Variants in TEX53 observed in about 807,000 individuals in gnomAD.
TEX53 encodes the protein testis expressed 53, also known as testis-expressed protein 53.
intron 1 of TEX53, among the ~76,000 whole-genome samples, 157 bp from the exon 2 acceptor site, chr9:114,656,789 G>A (rs1012306434): frequency 1.3e-5 from 2 of 152,182 alleles, no homozygotes; most frequent in Non-Finnish European, 2.9e-5. Flanking sequence ...CTCGAGCTGG[G>A]TGAAGCAATG....
In TEX53 at chr9:114,657,801, A is replaced by C; in HGVS notation, c.-27T>G. The stretch of plus-strand genomic sequence containing the variant: ...TTTTGGTGCGCGGTGGGAGGAGGAA[A>C]GGGCACTGGGGCTCCTGGCTCTGCA... On this transcript the variant is annotated 5_prime_UTR_variant, in exon 1 of 2. Transcript: ENST00000423632. 2.5e-6 allele frequency: 1 copy of C among 398,814 alleles called. No individual in the cohort carries two copies. The highest frequency in any genetic ancestry group is 4.4e-6 in the Non-Finnish European group (1 of 226,170). The allele number at this position is 398,814 out of a possible 1,614,324, so 24.7% of individuals were successfully genotyped here.
At chr9:114,656,737 C>G (rs1490013541) in intron 1 of TEX53, 105 bp from the exon 2 acceptor site, 1 of 395,838 alleles carries the variant, frequency 2.5e-6, no homozygotes, top group East Asian at 3.6e-5. Flanking sequence ...AATCATTAAT[C>G]TCTTTAAAAA....
chr9:114,657,221 C>A (rs1270187518), intron 1 of TEX53, among the ~76,000 whole-genome samples: 2 of 152,098 alleles, frequency 1.3e-5, no homozygotes, highest in Admixed American at 1.3e-4. Context: ...TTCACTTACA[C>A]ACGGTGCCTG....
chr9:114,656,509 G>C lies in TEX53; in HGVS notation c.*20C>G. 2.5e-6 allele frequency: 1 copy of C among 398,582 alleles called. No individual in the cohort carries two copies. Among genetic ancestry groups the C allele is most frequent in the Non-Finnish European group, 4.4e-6 (1 of 226,050 alleles). The allele number at this position is 398,582 out of a possible 1,614,324, so 24.7% of individuals were successfully genotyped here. ...GCTGTGCAGCCGCAGGGACCACGTG[G>C]GTGCCGCCGGCTAGAATGCTCATGG... On this transcript the variant is annotated 3_prime_UTR_variant, in exon 2 of 2. Transcript: ENST00000423632.
chr9:114,656,684 G>A (rs967404826), intron 1 of TEX53, 52 bp from the exon 2 acceptor site: 9 of 397,892 alleles, frequency 2.3e-5, no homozygotes, highest in Middle Eastern at 6.2e-4. Flanking sequence ...TGAGTGATGC[G>A]CGTATAACCT....
chr9:114,657,410 A>G (rs1427421410), intron 1 of TEX53, among the ~76,000 whole-genome samples: 4 of 152,210 alleles, frequency 2.6e-5, no homozygotes, highest in Non-Finnish European at 5.9e-5. Flanking sequence ...GAGAAATTAA[A>G]TAAATCAACA....
intron 1 of TEX53, among the ~76,000 whole-genome samples, chr9:114,657,093 G>C (rs548554671): frequency 7.4e-4 from 112 of 152,266 alleles, no homozygotes; most frequent in Non-Finnish European, 1.4e-3. Context: ...AGCCAGGATG[G>C]TCTCGATCTC....
intron 1 of TEX53, 100 bp from the exon 2 acceptor site, chr9:114,656,732 T>A (rs112322058): frequency 1.1e-4 from 43 of 396,122 alleles, no homozygotes; most frequent in African/African-American, 7.6e-4. Context: ...CCTCAAATCA[T>A]TAATCTCTTT....
chr9:114,657,508 T>G (rs966076017), intron 1 of TEX53, among the ~76,000 whole-genome samples, 158 bp downstream of exon 1: 1 of 152,244 alleles, frequency 6.6e-6, no homozygotes, highest in African/African-American at 2.4e-5. Flanking sequence ...GTCTTTAGAC[T>G]GTGTTGTTCC....
In TEX53 at chr9:114,656,415, T is replaced by G. The variant is rs1827706891; in HGVS notation, c.*114A>C. ...GGATGGCTCAGACGTCTTCTCCTCC[T>G]GCAGGGGAGTTTCTGAATCAGTCTT... On this transcript the variant is annotated 3_prime_UTR_variant, in exon 2 of 2. Transcript: ENST00000423632. 1 of 393,958 alleles carries G rather than the reference T, an allele frequency of 2.5e-6. No homozygotes were observed. Among genetic ancestry groups the G allele is most frequent in the African/African-American group, 2.1e-5 (1 of 48,568 alleles). 24.4% of individuals were successfully genotyped at this position (393,958 alleles called of 1,614,324 possible).
chr9:114,656,828 G>T (rs1291693433), intron 1 of TEX53, among the ~76,000 whole-genome samples, 196 bp from the exon 2 acceptor site: 1 of 152,138 alleles, frequency 6.6e-6, no homozygotes, highest in Non-Finnish European at 1.5e-5. Flanking sequence ...CATTACCTCA[G>T]CGTGGCCCAG....
intron 1 of TEX53, among the ~76,000 whole-genome samples, 187 bp from the exon 2 acceptor site, chr9:114,656,819 A>G (rs1245620592): frequency 1.3e-5 from 2 of 152,192 alleles, no homozygotes; most frequent in African/African-American, 2.4e-5. Context: ...GAGTTTACTC[A>G]TTACCTCAGC....
intron 1 of TEX53, among the ~76,000 whole-genome samples, chr9:114,656,954 G>A (rs986286827): frequency 6.6e-6 from 1 of 152,088 alleles, no homozygotes; most frequent in African/African-American, 2.4e-5. Flanking sequence ...TCGGCTCACT[G>A]CAAGCTCCGC....
In TEX53 at chr9:114,656,444, G is replaced by T; in HGVS notation, c.*85C>A. On this transcript the variant is annotated 3_prime_UTR_variant, in exon 2 of 2. Coordinates refer to ENST00000423632, the MANE Select transcript of TEX53 (RefSeq NM_001354645.2). ...GGGGAGTTTCTGAATCAGTCTTCAT[G>T]ACTCTTGTCCACTGCCCTCTTCCTC... The T allele has an allele frequency of 7.6e-6, 3 of 396,848 alleles. No homozygotes were observed. In the South Asian group the frequency reaches 3.9e-4, roughly 52 times the overall value. 24.6% of individuals were successfully genotyped at this position (396,848 alleles called of 1,614,324 possible).
chr9:114,657,258 G>A (rs1431022336), intron 1 of TEX53, among the ~76,000 whole-genome samples: 1 of 152,204 alleles, frequency 6.6e-6, no homozygotes, highest in East Asian at 1.9e-4. Flanking sequence ...AGCCTGCACA[G>A]TGGGCAATAT....
rs538361131 is a variant in TEX53, at chr9:114,656,929, T to C, written c.110-297A>G. Among the ~76,000 whole-genome samples the C allele has an allele frequency of 3.3e-5, 5 of 152,176 alleles. No homozygotes were observed. The East Asian group carries it at 9.7e-4, about 29-fold the overall frequency. Reference sequence around the variant, plus strand: ...TCTCGCTCTGTCGCTCAGGCTGGAGTGCAGTGGCGCGATCTCGGCTCACTG... The same window carrying C: ...TCTCGCTCTGTCGCTCAGGCTGGAGCGCAGTGGCGCGATCTCGGCTCACTG... On this transcript the variant is annotated intron_variant, in intron 1 of 1. Transcript: ENST00000423632.
rs901518798 is a variant in TEX53 at position 114,657,691 on chromosome 9, G to A, written c.84C>T (p.Phe28=). Residue 28 remains phenylalanine (F), a synonymous_variant, in exon 1 of 2, where the codon TTC becomes TTT. Coordinates refer to ENST00000423632, the MANE Select transcript of TEX53 (RefSeq NM_001354645.2). ...TGAAGGACCGTGGATGATGCTGTTC[G>A]AACATTCTTGGATTGTGGAAGCCAA... ...TTVGFHNPRM[F]EQHHPRSFNL... is the part of the protein sequence containing the mutation. 12 of 398,526 alleles carry A rather than the reference G, an allele frequency of 3.0e-5. No homozygotes were observed. Among genetic ancestry groups the A allele is most frequent in the South Asian group, 1.3e-4 (1 of 7,860 alleles). 24.7% of individuals were successfully genotyped at this position (398,526 alleles called of 1,614,324 possible).
At chr9:114,656,683 C>G (rs186302772) in intron 1 of TEX53, 51 bp from the exon 2 acceptor site, 5 of 397,802 alleles carry the variant, frequency 1.3e-5, no homozygotes, top group Non-Finnish European at 2.2e-5. Flanking sequence ...TTGAGTGATG[C>G]GCGTATAACC....
rs538397501 is a variant in TEX53, at chr9:114,656,460, C to G, written c.*69G>C. The G allele has an allele frequency of 3.0e-5, 12 of 397,902 alleles. No homozygotes were observed. The highest frequency in any genetic ancestry group is 2.3e-4 in the African/African-American group (11 of 48,702). The allele number at this position is 397,902 out of a possible 1,614,324, so 24.6% of individuals were successfully genotyped here. On this transcript the variant is annotated 3_prime_UTR_variant, in exon 2 of 2. Coordinates refer to ENST00000423632, the MANE Select transcript of TEX53 (RefSeq NM_001354645.2). ...AGTCTTCATGACTCTTGTCCACTGCCCTCTTCCTCATGGAAGCCCAGCAGC... is the reference window on the plus strand; with the variant it reads ...AGTCTTCATGACTCTTGTCCACTGCGCTCTTCCTCATGGAAGCCCAGCAGC...
Sources: gnomAD v4.1 joint callset for allele counts (sites outside exome capture counted in the v4.1 genomes callset) on GRCh38, gnomAD v4.1.1 for gene constraint, MANE v1.5 for transcripts, NCBI Gene and HGNC (gene_info 2026-07-23, HGNC 2026-07-21) for gene names.